The following GBA1 variants were observed in gnomAD, a reference collection of about 807,000 sequenced individuals.
The protein encoded by GBA1 is glucosylceramidase beta 1.
At chr1:155,240,170 T>G in the GBA1 span, 1 of 1,255,080 alleles carries the variant, frequency 8.0e-7, no homozygotes, top group Non-Finnish European at 1.1e-6. Flanking sequence ...GTTTCAAAAT[T>G]CCTCACCCCT....
the GBA1 span, among the ~76,000 whole-genome samples, chr1:155,243,640 T>C: frequency 2.0e-5 from 3 of 152,186 alleles, no homozygotes; most frequent in East Asian, 1.9e-4. Context: ...AATTTCTGTA[T>C]TTTTTGTAGA....
the GBA1 span, chr1:155,240,777 C>T: frequency 1.4e-6 from 2 of 1,441,714 alleles, no homozygotes; most frequent in Non-Finnish European, 2.0e-6. Flanking sequence ...CAACTACTCT[C>T]CTGGGCAGGG....
the GBA1 span, among the ~76,000 whole-genome samples, chr1:155,239,117 C>T: frequency 6.6e-6 from 1 of 151,674 alleles, no homozygotes; most frequent in South Asian, 2.1e-4. Context: ...ACTCGAGAGG[C>T]TGAGACAGGA....
chr1:155,235,911 G>A, the GBA1 span: 2 of 1,598,786 alleles, frequency 1.3e-6, no homozygotes, highest in Non-Finnish European at 1.7e-6. Flanking sequence ...GTGTAGGTAA[G>A]GGTCACATGT....
chr1:155,237,287 A>G, the GBA1 span: 2 of 1,613,360 alleles, frequency 1.2e-6, no homozygotes, highest in African/African-American at 1.3e-5. Context: ...GGAGCCAGTC[A>G]TTTGGATGCT....
At chr1:155,238,608 T>A in the GBA1 span, 7 of 1,613,376 alleles carry the variant, frequency 4.3e-6, no homozygotes, top group African/African-American at 9.4e-5. Context: ...GATGGAGAAG[T>A]CACAGCTGGC....
the GBA1 span, chr1:155,239,585 C>T: frequency 1.2e-6 from 2 of 1,613,504 alleles, no homozygotes; most frequent in Non-Finnish European, 1.7e-6. Context: ...GTTTCAATGG[C>T]TCTATGTCAT....
At chr1:155,237,203 C>T in the GBA1 span, 2 of 1,514,932 alleles carry the variant, frequency 1.3e-6, no homozygotes, top group Admixed American at 2.0e-5. Context: ...CTGTGGGATC[C>T]ATGGCACCCT....
chr1:155,237,976 G>A, the GBA1 span: 15 of 798,566 alleles, frequency 1.9e-5, no homozygotes, highest in African/African-American at 2.4e-4. Flanking sequence ...GATGGAGTGG[G>A]CAAGATTGAC....
the GBA1 span, chr1:155,235,318 G>A: frequency 1.2e-6 from 2 of 1,609,920 alleles, no homozygotes; most frequent in Non-Finnish European, 1.7e-6. Flanking sequence ...CTTGCTGAAT[G>A]TGGGAACAGA....
the GBA1 span, among the ~76,000 whole-genome samples, chr1:155,242,447 T>G: frequency 6.6e-6 from 1 of 150,692 alleles, no homozygotes; most frequent in East Asian, 2.0e-4. Flanking sequence ...GGTCTGAAAC[T>G]CTGGACCTCA....
chr1:155,235,343 C>T, the GBA1 span: 16 of 1,604,972 alleles, frequency 1.0e-5, no homozygotes, highest in Non-Finnish European at 1.4e-5. Context: ...CAGAGTCCCT[C>T]GGGGTACCTC....
At chr1:155,238,679 A>G in the GBA1 span, 1 of 1,613,442 alleles carries the variant, frequency 6.2e-7, no homozygotes. Context: ...AAGATATGGT[A>G]GTCCGAGTCA....
the GBA1 span, among the ~76,000 whole-genome samples, chr1:155,242,022 T>A: frequency 6.6e-6 from 1 of 152,218 alleles, no homozygotes; most frequent in Non-Finnish European, 1.5e-5. Context: ...TGTGGCCTCA[T>A]GAACCACATC....
At chr1:155,237,684 G>A in the GBA1 span, 1 of 1,563,698 alleles carries the variant, frequency 6.4e-7, no homozygotes, top group South Asian at 1.2e-5. Flanking sequence ...GCCGAGGCAG[G>A]TGGATCACTT....
chr1:155,236,751 TTGTGTGTGTATGTGTGTGTATGTATGTG>T, the GBA1 span, among the ~76,000 whole-genome samples: 7 of 151,388 alleles, frequency 4.6e-5, no homozygotes, highest in Non-Finnish European at 1.0e-4. Flanking sequence ...CCCAGCTAAT[TTGTGTGTGTATGTGTGTGTATGTATGTG>T]TGTGTGTGTA....
the GBA1 span, chr1:155,238,625 T>A: frequency 1.6e-5 from 26 of 1,613,542 alleles, no homozygotes; most frequent in East Asian, 5.6e-4. Flanking sequence ...TGGCCATGGG[T>A]ACCCGGATGA....
chr1:155,240,647 G>A, the GBA1 span: 7 of 1,613,414 alleles, frequency 4.3e-6, no homozygotes, highest in East Asian at 1.6e-4. Flanking sequence ...CCACGACACT[G>A]CCTGAAGTAG....
At chr1:155,236,594 T>A in the GBA1 span, 2 of 809,404 alleles carry the variant, frequency 2.5e-6, no homozygotes, top group South Asian at 2.9e-5. Flanking sequence ...GGGGAGATTT[T>A]TTTTTGTTTT....
Sources: gnomAD v4.1 joint callset for allele counts (sites outside exome capture counted in the v4.1 genomes callset) on GRCh38, gnomAD v4.1.1 for gene constraint, MANE v1.5 for transcripts, NCBI Gene and HGNC (gene_info 2026-07-23, HGNC 2026-07-21) for gene names.